Variants in RIC3 observed in about 807,000 individuals in gnomAD.
RIC3 encodes RIC3 acetylcholine receptor chaperone, also known as protein RIC-3.
In RIC3, 28 loss-of-function variants were observed where a neutral mutation model predicts 27.3. The observed-to-expected ratio is 1.02, with a 90% CI of 0.76 to 1.41. The LOEUF is 1.41. Ranked by LOEUF, RIC3 falls within the 40% of genes most tolerant of loss-of-function variation. The pLI, the probability that RIC3 is intolerant of heterozygous loss-of-function variation, is 0.00. For missense variants in RIC3, 501 were observed against 444.7 expected (o/e 1.13, Z -1.14); for synonymous variants, 184 against 160.4 (o/e 1.15, Z -1.11).
intron 1 of RIC3, among the ~76,000 whole-genome samples, chr11:8,157,267 A>C (rs1230021814): frequency 6.6e-6 from 1 of 152,224 alleles, no homozygotes; most frequent in Non-Finnish European, 1.5e-5. Context: ...CTGCTTTATC[A>C]ATTACAGCTT....
intron 1 of RIC3, among the ~76,000 whole-genome samples, chr11:8,160,177 T>C (rs955894649): frequency 6.6e-6 from 1 of 152,180 alleles, no homozygotes; most frequent in African/African-American, 2.4e-5. Flanking sequence ...TAGAGATGCA[T>C]ACTGAAGCAT....
At chr11:8,101,348 CTT>C, downstream of RIC3, 1 of 1,190,860 alleles carries the variant, frequency 8.4e-7, no homozygotes, top group Non-Finnish European at 1.2e-6. Context: ...CTTTGTTTTA[CTT>C]CCCTTTGTGA....
At chr11:8,138,223 A>C (rs551683272) in intron 3 of RIC3, 49 bp downstream of exon 3, 1 of 1,327,606 alleles carries the variant, frequency 7.5e-7, no homozygotes, top group South Asian at 1.2e-5. Context: ...TGGCTATAAA[A>C]CTGTTTGACT....
At chr11:8,145,618 G>T (rs933527778) in intron 1 of RIC3, among the ~76,000 whole-genome samples, 4 of 152,138 alleles carry the variant, frequency 2.6e-5, no homozygotes, top group African/African-American at 9.7e-5. Context: ...AGGGGATCTT[G>T]TGAGTGGAAG....
At position 8,106,378 on chromosome 11, in the gene RIC3, A is replaced by G. The variant is rs979566959; in HGVS notation, c.*4320T>C. ...ATAATAGCAAAGAGATCATAACCTC[A>G]CCAATGACATGTGGGTCAACACTGT... On this transcript the variant is annotated 3_prime_UTR_variant, in exon 6 of 6. Transcript: ENST00000309737. 2 of 152,220 alleles carry G rather than the reference A, an allele frequency of 1.3e-5. No individual in the cohort carries two copies. Among genetic ancestry groups the G allele is most frequent in the African/African-American group, 2.4e-5 (1 of 41,452 alleles). 9.4% of individuals were successfully genotyped at this position (152,220 alleles called of 1,614,324 possible).
At chr11:8,114,570 C>T (rs1347568967) in intron 5 of RIC3, among the ~76,000 whole-genome samples, 1 of 147,406 alleles carries the variant, frequency 6.8e-6, no homozygotes, top group Non-Finnish European at 1.5e-5. Flanking sequence ...CAAGCCATTG[C>T]ACTCCAGCCT....
intron 5 of RIC3, among the ~76,000 whole-genome samples, chr11:8,120,532 T>C (rs1424423952): frequency 1.3e-5 from 2 of 151,944 alleles, no homozygotes; most frequent in African/African-American, 4.8e-5. Context: ...TGTCGGAGGA[T>C]GGAGGGCTAG....
downstream of RIC3, chr11:8,101,743 G>C: frequency 6.9e-7 from 1 of 1,448,912 alleles, no homozygotes; most frequent in Non-Finnish European, 9.1e-7. Context: ...GGCCCTCAGT[G>C]GGCTCCCTGG....
chr11:8,163,527 G>A (rs1411274880), intron 1 of RIC3, among the ~76,000 whole-genome samples: 2 of 151,636 alleles, frequency 1.3e-5, no homozygotes, highest in African/African-American at 2.4e-5. Context: ...CAAGTTCAGC[G>A]AGGTGACAAG....
rs1445310447 is a variant in RIC3 at position 8,168,982 on chromosome 11, T to A, written c.8A>T (p.Tyr3Phe). The A allele has an allele frequency of 5.0e-6, 8 of 1,595,324 alleles. No homozygotes were observed. The highest frequency in any genetic ancestry group is 1.8e-5 in the Admixed American group (1 of 57,086). Residue 3 changes from tyrosine to phenylalanine, a missense_variant, in exon 1 of 6, where the codon TAC (tyrosine) becomes TTC (phenylalanine). Coordinates refer to ENST00000309737, the MANE Select transcript of RIC3 (RefSeq NM_001206671.4). ...CAGAGCGACTCTCTGCACTGTGGAG[T>A]ACGCCATGACTGCTCACGGTGGTCG... MAYSTVQRVALAS... is the reference protein window; with the variant it reads MAFSTVQRVALAS...
chr11:8,134,426 T>C (rs1204841504), intron 4 of RIC3, among the ~76,000 whole-genome samples: 1 of 152,210 alleles, frequency 6.6e-6, no homozygotes, highest in Admixed American at 6.5e-5. Flanking sequence ...TCCAAGTCTT[T>C]GCTATTGTGA....
At chr11:8,102,342 C>T (rs1005507431), downstream of RIC3, 1 of 152,214 alleles carries the variant, frequency 6.6e-6, no homozygotes, top group Non-Finnish European at 1.5e-5. Flanking sequence ...ACCCAGCTCT[C>T]AGGGCTGTCT....
At position 8,128,771 on chromosome 11, in the gene RIC3, T is replaced by TC. The variant is rs1260889160; in HGVS notation, c.522-1965_522-1964insG. On this transcript the variant is annotated intron_variant, in intron 4 of 5. Coordinates refer to ENST00000309737, the MANE Select transcript of RIC3 (RefSeq NM_001206671.4). ...AAAACTTTTTTTTTTTTTTTTTTTT[T>TC]TTTGAGATGGAGTCTCGCTGTCGCC... is the stretch of plus-strand genomic sequence containing the variant. Among the ~76,000 whole-genome samples the TC allele has an allele frequency of 1.9e-3, 275 of 147,518 alleles. 1 individual carries two copies. The highest frequency in any genetic ancestry group is 3.5e-3 in the Non-Finnish European group (232 of 66,814).
intron 4 of RIC3, among the ~76,000 whole-genome samples, chr11:8,134,077 T>C (rs1180268136): frequency 6.6e-6 from 1 of 152,140 alleles, no homozygotes; most frequent in African/African-American, 2.4e-5. Flanking sequence ...ACACGTGCCA[T>C]GTTGGTGTGC....
In RIC3 at chr11:8,120,545, G is replaced by A. The variant is rs189686715; in HGVS notation, c.670+6114C>T. 2.0e-5 allele frequency among the ~76,000 whole-genome samples: 3 copies of A among 152,278 alleles called. No individual in the cohort carries two copies. In the East Asian group the frequency reaches 5.8e-4, roughly 29 times the overall value. On this transcript the variant is annotated intron_variant, in intron 5 of 5. Transcript: ENST00000309737. ...CCTGTCGGAGGATGGAGGGCTAGGA[G>A]AGGGATAGCATTAGGAGAAATACCT...
the RIC3 span, chr11:8,098,817 C>T: frequency 6.2e-7 from 1 of 1,614,164 alleles, no homozygotes; most frequent in Non-Finnish European, 8.5e-7. Flanking sequence ...CCTCAGAAGG[C>T]CTCATCCTCC....
rs1948467928 is a variant in RIC3, at chr11:8,136,741, A to C, written c.521+637T>G. Among the ~76,000 whole-genome samples the C allele has an allele frequency of 2.6e-5, 4 of 152,324 alleles. No individual in the cohort carries two copies. In the South Asian group the frequency reaches 8.3e-4, roughly 32 times the overall value. ...TCAAGTAGAAAGCATCATGTTCAAT[A>C]ACCTGGTTTTACTTAAAATTATACC... On this transcript the variant is annotated intron_variant, in intron 4 of 5. Transcript: ENST00000309737.
chr11:8,108,520 C>A lies in RIC3; in HGVS notation c.*2178G>T, dbSNP rs1944910178. ...GCTGTTTTACACACACTGATGATTT[C>A]ATTTAACCAGGACCTTTAATACCCC... On this transcript the variant is annotated 3_prime_UTR_variant, in exon 6 of 6. Coordinates refer to ENST00000309737, the MANE Select transcript of RIC3 (RefSeq NM_001206671.4). 6.6e-6 allele frequency: 1 copy of A among 152,188 alleles called. No individual in the cohort carries two copies. The highest frequency in any genetic ancestry group is 1.5e-5 in the Non-Finnish European group (1 of 68,034). The allele number at this position is 152,188 out of a possible 1,614,324, so 9.4% of individuals were successfully genotyped here.
chr11:8,095,406 C>A, the RIC3 span: 3 of 1,364,600 alleles, frequency 2.2e-6, no homozygotes, highest in East Asian at 2.3e-5. Flanking sequence ...AGGGTTTCCC[C>A]ACTCTTCCCT....
Sources: gnomAD v4.1 joint callset for allele counts (sites outside exome capture counted in the v4.1 genomes callset) on GRCh38, gnomAD v4.1.1 for gene constraint, MANE v1.5 for transcripts, NCBI Gene and HGNC (gene_info 2026-07-23, HGNC 2026-07-21) for gene names.